Variants in MTA3 observed in about 807,000 individuals in gnomAD.
The protein encoded by MTA3 is metastasis associated 1 family member 3.
A neutral mutation model predicts 83.5 loss-of-function variants in MTA3; 34 were observed. The observed-to-expected ratio is 0.41, with a 90% confidence interval of 0.31 to 0.54. The LOEUF (loss-of-function observed/expected upper bound fraction) is 0.54. Ranked by LOEUF, MTA3 falls within the 20% of genes least tolerant of loss-of-function variation. MTA3 has a pLI of 0.33. For missense variants in MTA3, 761 were observed against 726.4 expected (o/e 1.05, Z -0.55); for synonymous variants, 303 against 252.7 (o/e 1.20, Z -1.89).
chr2:42,549,508 AAT>A lies in MTA3; in HGVS notation c.-140-20922_-140-20921del, dbSNP rs1676992842. Among the ~76,000 whole-genome samples, 7 of 108,558 alleles carry A rather than the reference AAT, an allele frequency of 6.4e-5. No homozygotes were observed. The Admixed American group carries it at 6.8e-4, about 10-fold the overall frequency. 71.2% of individuals were successfully genotyped at this position (108,558 alleles called of 152,430 possible). A position where few individuals can be genotyped will look rare whatever the true frequency, so the allele number is the denominator to read the frequency against. On this transcript the variant is annotated intron_variant, in intron 2 of 17. Coordinates refer to the MTA3 transcript ENST00000405592. ...TTAAATTATATATTATATCATATATAATATATATGATATAATATATAATATAC... is the reference window on the plus strand; with the variant it reads ...TTAAATTATATATTATATCATATATAATATATGATATAATATATAATATAC...
In MTA3 at chr2:42,548,810, A is replaced by AAT. The variant is rs1187612034; in HGVS notation, c.-140-21609_-140-21608dup. Among the ~76,000 whole-genome samples, 20 of 66,492 alleles carry AAT rather than the reference A, an allele frequency of 3.0e-4. No individual in the cohort carries two copies. In the South Asian group the frequency reaches 3.9e-3, roughly 13 times the overall value. The allele number at this position is 66,492 out of a possible 152,430, so 43.6% of individuals were successfully genotyped here. The stretch of plus-strand genomic sequence containing the variant: ...AGAGTGAGACCCTGTCTCAAAAAAA[A>AAT]ATATATATATATATATATAATATAT... On this transcript the variant is annotated intron_variant, in intron 2 of 17. Transcript: ENST00000405592.
Position 42,754,300 on chromosome 2 carries a change from A to T in MTA3, c.*901A>T. 1 of 985,318 alleles carries T rather than the reference A, an allele frequency of 1.0e-6. No homozygotes were observed. The highest frequency in any genetic ancestry group is 1.2e-6 in the Non-Finnish European group (1 of 829,926). 61.0% of individuals were successfully genotyped at this position (985,318 alleles called of 1,614,324 possible). A position where few individuals can be genotyped will look rare whatever the true frequency, so the allele number is the denominator to read the frequency against. On this transcript the variant is annotated 3_prime_UTR_variant, in exon 17 of 17. Transcript: ENST00000405094. ...ACCTAGTTTCATTTTAAGCAGACAG[A>T]CTCTGTTTGGCCTAGAGGTGTGGAG... is the stretch of plus-strand genomic sequence containing the variant.
intron 7 of MTA3, among the ~76,000 whole-genome samples, chr2:42,659,162 G>A (rs1412103383): frequency 1.3e-5 from 2 of 152,106 alleles, no homozygotes; most frequent in East Asian, 3.8e-4. Context: ...ATACAGGCAG[G>A]AAAAGCAGTG....
At chr2:42,676,687 G>A (rs1691384536) in intron 8 of MTA3, among the ~76,000 whole-genome samples, 1 of 152,150 alleles carries the variant, frequency 6.6e-6, no homozygotes, top group Non-Finnish European at 1.5e-5. Context: ...GATCATCTGA[G>A]CCCAGGAGGC....
intron 4 of MTA3, among the ~76,000 whole-genome samples, chr2:42,616,121 T>C (rs974992658): frequency 1.7e-4 from 26 of 151,794 alleles, no homozygotes; most frequent in African/African-American, 6.1e-4. Context: ...AGTGCAGTGG[T>C]GTGATCTCGG....
At chr2:42,667,572 G>GTGTGTGTGTGTGTGTT (rs1690347827) in intron 8 of MTA3, among the ~76,000 whole-genome samples, 1 of 20,244 alleles carries the variant, frequency 4.9e-5, no homozygotes, top group African/African-American at 5.0e-4. Context: ...TTTAAAAATT[G>GTGTGTGTGTGTGTGTT]TGTGTGTGTG....
At chr2:42,534,726 G>C (rs545945078) in intron 2 of MTA3, among the ~76,000 whole-genome samples, 9 of 152,164 alleles carry the variant, frequency 5.9e-5, no homozygotes, top group African/African-American at 2.2e-4. Context: ...CTTCTGTCTT[G>C]TTTATTCTAC....
intron 2 of MTA3, among the ~76,000 whole-genome samples, chr2:42,521,840 C>T (rs747468084): frequency 2.0e-4 from 30 of 148,152 alleles, no homozygotes; most frequent in African/African-American, 2.7e-4. Flanking sequence ...CTGCAGCTTC[C>T]GCCTCCCCGG....
chr2:42,612,616 C>G (rs1301289301), intron 4 of MTA3, among the ~76,000 whole-genome samples: 2 of 152,152 alleles, frequency 1.3e-5, no homozygotes, highest in Non-Finnish European at 2.9e-5. Flanking sequence ...AATCCCAGCA[C>G]TTTGTGAGCC....
At chr2:42,662,257 G>A (rs968931855) in intron 8 of MTA3, among the ~76,000 whole-genome samples, 1 of 152,042 alleles carries the variant, frequency 6.6e-6, no homozygotes, top group East Asian at 1.9e-4. Flanking sequence ...ATAATGCTAT[G>A]TTGAAAATTT....
intron 16 of MTA3, among the ~76,000 whole-genome samples, chr2:42,749,246 C>CTCTG (rs1429537553): frequency 3.3e-5 from 5 of 152,198 alleles, no homozygotes; most frequent in African/African-American, 1.2e-4. Flanking sequence ...AAGCTCTGAC[C>CTCTG]TCTGGTTCCT....
At chr2:42,609,686 A>G (rs1683945026) in intron 4 of MTA3, 102 bp downstream of exon 4, 1 of 1,318,180 alleles carries the variant, frequency 7.6e-7, no homozygotes, top group East Asian at 2.3e-5. Flanking sequence ...TCTTGCTTAA[A>G]CTACTTTGCT....
intron 15 of MTA3, among the ~76,000 whole-genome samples, chr2:42,719,892 G>T (rs1340826269): frequency 4.6e-5 from 7 of 152,092 alleles, no homozygotes; most frequent in East Asian, 1.9e-4. Context: ...CAAAATAATG[G>T]TTTTTCACAT....
chr2:42,670,003 G>T (rs944192107), intron 8 of MTA3, among the ~76,000 whole-genome samples: 2 of 152,202 alleles, frequency 1.3e-5, no homozygotes, highest in African/African-American at 2.4e-5. Context: ...GGTGGCTCAT[G>T]CCTGTAATCC....
chr2:42,522,324 T>C (rs1185042077), intron 2 of MTA3, among the ~76,000 whole-genome samples: 1 of 152,176 alleles, frequency 6.6e-6, no homozygotes, highest in South Asian at 2.1e-4. Context: ...ATCAGAGCAC[T>C]GTGGCATCCC....
chr2:42,711,783 A>AGTGTGT (rs763894802), intron 14 of MTA3, among the ~76,000 whole-genome samples: 17 of 147,744 alleles, frequency 1.2e-4, no homozygotes, highest in African/African-American at 2.3e-4. Context: ...AGAGAGAGAG[A>AGTGTGT]GTGTGTGTGT....
chr2:42,722,971 T>G lies in MTA3; in HGVS notation c.1695T>G (p.Thr565=). 1 of 1,551,070 alleles carries G rather than the reference T, an allele frequency of 6.4e-7. No individual in the cohort carries two copies. The highest frequency in any genetic ancestry group is 8.7e-7 in the Non-Finnish European group (1 of 1,147,124). ...QTPTTKRMLT[T]PNHTSLSILG... is the part of the protein sequence containing the mutation. ...CAACTACCAAGCGGATGCTAACAACTCCAAATCACACATCTCTGAGCATTC... is the reference window on the plus strand; with the variant it reads ...CAACTACCAAGCGGATGCTAACAACGCCAAATCACACATCTCTGAGCATTC... Residue 565 remains threonine (T), a synonymous_variant, in exon 16 of 17, where the codon ACT becomes ACG. Transcript: ENST00000405094.
Position 42,708,024 on chromosome 2 carries a change from AGAG to A in MTA3, c.1273_1275del (p.Glu425del). ...TGAAAATGCCCACCCAGTCAGAAGA[AGAG>A]AAGTTATCTCCTAGCCCAACTACAG... On this transcript the variant is annotated inframe_deletion, in exon 13 of 17. Transcript: ENST00000405094. The A allele has an allele frequency of 2.5e-6, 4 of 1,612,248 alleles. No individual in the cohort carries two copies. Among genetic ancestry groups the A allele is most frequent in the Non-Finnish European group, 2.5e-6 (3 of 1,179,490 alleles).
chr2:42,639,087 G>A (rs1452320939), intron 4 of MTA3, among the ~76,000 whole-genome samples: 2 of 148,206 alleles, frequency 1.3e-5, no homozygotes, highest in Non-Finnish European at 3.0e-5. Flanking sequence ...TTGAGGCGGA[G>A]TCTTGCTCTG....
Sources: allele counts gnomAD v4.1 joint callset (sites outside exome capture counted in the v4.1 genomes callset), GRCh38; gene constraint gnomAD v4.1.1; transcripts MANE v1.5; gene names NCBI Gene and HGNC (gene_info 2026-07-23, HGNC 2026-07-21).